XYLT1: variants seen among roughly 807,000 people sequenced by gnomAD.
XYLT1 encodes the protein xylosyltransferase 1, also known as beta-D-xylosyltransferase 1.
Under a neutral mutation model 91.3 loss-of-function variants are expected in XYLT1, and 36 were observed. The observed-to-expected ratio is 0.39, with a 90% confidence interval of 0.30 to 0.52. The LOEUF (loss-of-function observed/expected upper bound fraction) is 0.52. Among genes scored for constraint, XYLT1 ranks in the 20% least tolerant of loss-of-function variants. XYLT1 has a pLI of 0.68. For missense variants in XYLT1, 1,242 were observed against 1,284.5 expected (o/e 0.97, Z 0.51); for synonymous variants, 588 against 532.0 (o/e 1.11, Z -1.45).
intron 5 of XYLT1, among the ~76,000 whole-genome samples, chr16:17,174,055 T>C (rs2031886064): frequency 6.6e-6 from 1 of 152,170 alleles, no homozygotes; most frequent in African/African-American, 2.4e-5. Context: ...CTTGGGATGT[T>C]GACGAACCCA....
At chr16:17,268,594 T>C (rs1267753930) in intron 2 of XYLT1, among the ~76,000 whole-genome samples, 2 of 152,180 alleles carry the variant, frequency 1.3e-5, no homozygotes, top group Admixed American at 6.5e-5. Flanking sequence ...GCCAAGCCTT[T>C]TGATTTGTAT....
chr16:17,278,773 T>C (rs923169957), intron 2 of XYLT1, among the ~76,000 whole-genome samples: 1 of 152,192 alleles, frequency 6.6e-6, no homozygotes, highest in Non-Finnish European at 1.5e-5. Context: ...GGGGGTTACA[T>C]GACTCAGGCA....
At chr16:17,268,782 CTT>C (rs1222885797) in intron 2 of XYLT1, among the ~76,000 whole-genome samples, 10 of 151,320 alleles carry the variant, frequency 6.6e-5, no homozygotes, top group Middle Eastern at 3.4e-3. Context: ...AAGCGATTCT[CTT>C]GTCTCAGCTT....
intron 3 of XYLT1, among the ~76,000 whole-genome samples, chr16:17,241,528 T>C (rs1567337838): frequency 1.3e-5 from 2 of 152,084 alleles, no homozygotes; most frequent in African/African-American, 2.4e-5. Flanking sequence ...AGTGCGTGAG[T>C]GCATGGAGAT....
intron 2 of XYLT1, among the ~76,000 whole-genome samples, chr16:17,333,557 C>A (rs1367437728): frequency 1.3e-5 from 2 of 149,580 alleles, no homozygotes; most frequent in African/African-American, 4.9e-5. Context: ...CTCCAAAATT[C>A]ATGTTGAAAT....
At chr16:17,110,568 A>G (rs916623365) in intron 11 of XYLT1, among the ~76,000 whole-genome samples, 6 of 152,058 alleles carry the variant, frequency 3.9e-5, no homozygotes, top group African/African-American at 9.7e-5. Flanking sequence ...AGTCCATTAA[A>G]CTTCTTACTT....
rs531143182 is a variant in XYLT1 at position 17,415,330 on chromosome 16, T to C, written c.363+55104A>G. 3.9e-5 allele frequency among the ~76,000 whole-genome samples: 6 copies of C among 152,330 alleles called. No homozygotes were observed. In the East Asian group the frequency reaches 1.2e-3, roughly 29 times the overall value. On this transcript the variant is annotated intron_variant, in intron 1 of 11. Transcript: ENST00000261381. The stretch of plus-strand genomic sequence containing the variant: ...TTGAGAACACAGCAGTGAGCAACAC[T>C]GCTGGAATCCGAGTCTTTATGAATC...
At chr16:17,134,416 C>T (rs1213900015) in intron 9 of XYLT1, 57 bp downstream of exon 9, 7 of 1,596,882 alleles carry the variant, frequency 4.4e-6, no homozygotes. Flanking sequence ...CACTCTGTAC[C>T]CTGAGCCTCC....
chr16:17,364,004 CCAGT>C (rs1353433415), intron 1 of XYLT1, among the ~76,000 whole-genome samples: 1 of 152,088 alleles, frequency 6.6e-6, no homozygotes, highest in Non-Finnish European at 1.5e-5. Flanking sequence ...TATAAACAAA[CCAGT>C]CAGATTGGAT....
intron 1 of XYLT1, among the ~76,000 whole-genome samples, chr16:17,438,279 ACC>A (rs1331456608): frequency 6.6e-6 from 1 of 152,210 alleles, no homozygotes; most frequent in Non-Finnish European, 1.5e-5. Context: ...TTGGTGGCTG[ACC>A]CAACCCATAG....
intron 2 of XYLT1, among the ~76,000 whole-genome samples, chr16:17,275,984 A>G (rs945359327): frequency 6.6e-6 from 1 of 152,172 alleles, no homozygotes; most frequent in African/African-American, 2.4e-5. Flanking sequence ...GTAAATAAAT[A>G]AATATAGATG....
chr16:17,159,009 A>G, intron 5 of XYLT1, 100 bp from the exon 6 acceptor site: 3 of 1,012,790 alleles, frequency 3.0e-6, no homozygotes, highest in Non-Finnish European at 4.6e-6. Context: ...TGCTTGAAGC[A>G]CCTTCTCTGA....
chr16:17,387,883 C>T (rs935304548), intron 1 of XYLT1, among the ~76,000 whole-genome samples: 2 of 152,148 alleles, frequency 1.3e-5, no homozygotes, highest in African/African-American at 4.8e-5. Context: ...TACACAAGTG[C>T]ATAAAAAACA....
chr16:17,158,165 A>G (rs11859309), intron 6 of XYLT1, among the ~76,000 whole-genome samples: 53,618 of 152,142 alleles, frequency 0.35, 10,107 homozygotes, highest in East Asian at 0.72. Flanking sequence ...GCTCAGCTCA[A>G]TGCTGAACTG....
chr16:17,441,148 T>C (rs1007191643), intron 1 of XYLT1, among the ~76,000 whole-genome samples: 1 of 151,862 alleles, frequency 6.6e-6, no homozygotes, highest in African/African-American at 2.4e-5. Flanking sequence ...CACTCCAGCC[T>C]GGGCGACAGA....
At chr16:17,407,188 A>T (rs1292921194) in intron 1 of XYLT1, among the ~76,000 whole-genome samples, 1 of 151,936 alleles carries the variant, frequency 6.6e-6, no homozygotes, top group Non-Finnish European at 1.5e-5. Context: ...TTTAGGAGAG[A>T]TGGGGTTTCG....
chr16:17,455,329 T>C (rs1229700637), intron 1 of XYLT1, among the ~76,000 whole-genome samples: 2 of 152,182 alleles, frequency 1.3e-5, no homozygotes, highest in African/African-American at 4.8e-5. Context: ...GTTTTTATAA[T>C]AAAGTAGCTT....
At chr16:17,314,134 G>A (rs961763523) in intron 2 of XYLT1, among the ~76,000 whole-genome samples, 6 of 152,166 alleles carry the variant, frequency 3.9e-5, no homozygotes, top group Non-Finnish European at 7.3e-5. Context: ...TTCTAAAGTC[G>A]ACTCTTGTCC....
intron 1 of XYLT1, among the ~76,000 whole-genome samples, chr16:17,465,028 C>G (rs1475144930): frequency 6.6e-6 from 1 of 151,196 alleles, no homozygotes; most frequent in Admixed American, 6.6e-5. Flanking sequence ...CCTGTAATCC[C>G]AGCTACTCAG....
Sources: allele counts gnomAD v4.1 joint callset (sites outside exome capture counted in the v4.1 genomes callset), GRCh38; gene constraint gnomAD v4.1.1; transcripts MANE v1.5; gene names NCBI Gene and HGNC (gene_info 2026-07-23, HGNC 2026-07-21).